GTF2A1L: variants seen among roughly 807,000 people sequenced by gnomAD.
GTF2A1L encodes the protein general transcription factor IIA subunit 1 like, also known as TFIIA-alpha and beta-like factor.
A neutral mutation model predicts 49.7 loss-of-function variants in GTF2A1L; 48 were observed. The ratio of observed to expected loss-of-function variants is 0.97; its 90% confidence interval spans 0.77 to 1.23. The LOEUF (loss-of-function observed/expected upper bound fraction) is 1.23, where lower values mean the gene tolerates loss of function less well. GTF2A1L is among the 50% of genes most tolerant of loss of function. GTF2A1L has a pLI of 0.00. For missense variants in GTF2A1L, 736 were observed against 564.8 expected (o/e 1.30, Z -3.07); for synonymous variants, 246 against 193.5 (o/e 1.27, Z -2.25).
intron 6 of GTF2A1L, among the ~76,000 whole-genome samples, chr2:48,652,128 C>T (rs1243392947): frequency 6.6e-6 from 1 of 152,148 alleles, no homozygotes; most frequent in East Asian, 1.9e-4. Context: ...TTTTAATCCT[C>T]TCCCAGAGTA....
At chr2:48,618,664 A>C (rs1234906417) in intron 1 of GTF2A1L, among the ~76,000 whole-genome samples, 1 of 152,194 alleles carries the variant, frequency 6.6e-6, no homozygotes, top group Non-Finnish European at 1.5e-5. Flanking sequence ...TATGTGTTTT[A>C]TGATAGTGCG....
chr2:48,647,642 A>G (rs1256565786), intron 6 of GTF2A1L, among the ~76,000 whole-genome samples: 1 of 152,004 alleles, frequency 6.6e-6, no homozygotes, highest in East Asian at 1.9e-4. Flanking sequence ...ACTTTTCCCT[A>G]CATGAGGGAT....
chr2:48,647,164 G>A, intron 6 of GTF2A1L, 122 bp downstream of exon 6: 1 of 945,670 alleles, frequency 1.1e-6, no homozygotes, highest in South Asian at 2.8e-5. Flanking sequence ...TTTTTCTTTA[G>A]AAGATTATTT....
At chr2:48,643,693 ATTTTTT>A (rs71399070) in intron 4 of GTF2A1L, among the ~76,000 whole-genome samples, 3 of 120,786 alleles carry the variant, frequency 2.5e-5, no homozygotes, top group Non-Finnish European at 3.5e-5. Context: ...TATTAATACA[ATTTTTT>A]TTTTTTTTTT....
chr2:48,644,921 A>G (rs961228446), intron 4 of GTF2A1L, 112 bp from the exon 5 acceptor site: 6 of 854,644 alleles, frequency 7.0e-6, no homozygotes, highest in Non-Finnish European at 1.0e-5. Flanking sequence ...AATGTTAAGT[A>G]TTGTCAAACT....
chr2:48,628,686 G>T lies in GTF2A1L; in HGVS notation c.247+7396G>T, dbSNP rs761389892. On this transcript the variant is annotated intron_variant, in intron 3 of 8. Transcript: ENST00000403751. ...AGGTTGTCTGTTCACTCTGTTGGTA[G>T]CTTCTTTTGCTGTGCAGAAGCTCTA... Among the ~76,000 whole-genome samples the T allele has an allele frequency of 1.9e-4, 27 of 143,918 alleles. 5 individuals carry two copies. Among genetic ancestry groups the T allele is most frequent in the Admixed American group, 4.2e-4 (6 of 14,210 alleles). 94.4% of individuals were successfully genotyped at this position (143,918 alleles called of 152,430 possible).
At chr2:48,624,615 TAA>T (rs1676202211) in intron 3 of GTF2A1L, among the ~76,000 whole-genome samples, 1 of 144,176 alleles carries the variant, frequency 6.9e-6, no homozygotes, top group African/African-American at 2.5e-5. Context: ...ACAACATTAT[TAA>T]GTATAGCCCT....
At chr2:48,643,465 C>T (rs755247429) in intron 4 of GTF2A1L, among the ~76,000 whole-genome samples, 1 of 152,168 alleles carries the variant, frequency 6.6e-6, no homozygotes, top group Non-Finnish European at 1.5e-5. Context: ...CAAAACCACA[C>T]ACCTTAATAG....
chr2:48,619,099 A>C, intron 1 of GTF2A1L, among the ~76,000 whole-genome samples: 1 of 152,180 alleles, frequency 6.6e-6, no homozygotes. Context: ...AACATTATTT[A>C]AATGTTACTG....
chr2:48,639,705 C>G (rs1326343641), intron 3 of GTF2A1L, among the ~76,000 whole-genome samples: 1 of 152,136 alleles, frequency 6.6e-6, no homozygotes, highest in East Asian at 1.9e-4. Context: ...CAAGTGAGAT[C>G]TAATTAAACT....
intron 6 of GTF2A1L, among the ~76,000 whole-genome samples, chr2:48,657,765 T>G (rs1429592677): frequency 2.2e-4 from 1 of 4,548 alleles, no homozygotes; most frequent in Non-Finnish European, 1.7e-3. Context: ...AATCTCTTGT[T>G]TTTTTTTTTT....
intron 6 of GTF2A1L, among the ~76,000 whole-genome samples, chr2:48,667,290 A>G (rs986995315): frequency 5.9e-5 from 9 of 152,094 alleles, no homozygotes; most frequent in Non-Finnish European, 1.2e-4. Flanking sequence ...CAGACATCTT[A>G]TATATAAAGA....
intron 4 of GTF2A1L, among the ~76,000 whole-genome samples, chr2:48,643,910 G>C (rs1308889957): frequency 6.6e-6 from 1 of 151,880 alleles, no homozygotes; most frequent in African/African-American, 2.4e-5. Context: ...TGTTGGCCAG[G>C]GTGGTCTCAA....
chr2:48,672,250 A>C (rs936808052), intron 8 of GTF2A1L, among the ~76,000 whole-genome samples: 6 of 152,252 alleles, frequency 3.9e-5, no homozygotes, highest in Non-Finnish European at 7.3e-5. Context: ...GAATGGATGT[A>C]GTATGTACAA....
chr2:48,635,427 G>C (rs1445632775), intron 3 of GTF2A1L, among the ~76,000 whole-genome samples: 1 of 152,024 alleles, frequency 6.6e-6, no homozygotes, highest in East Asian at 1.9e-4. Context: ...CTGAATGCCT[G>C]GATTTCTGCT....
At chr2:48,639,877 G>A (rs1677108318) in intron 3 of GTF2A1L, among the ~76,000 whole-genome samples, 1 of 152,144 alleles carries the variant, frequency 6.6e-6, no homozygotes, top group Non-Finnish European at 1.5e-5. Flanking sequence ...CCGTTAAAAT[G>A]TGGATAAAGG....
At position 48,621,886 on chromosome 2, in the gene GTF2A1L, G is replaced by A. The variant is rs79480575; in HGVS notation, c.247+596G>A. 7.3e-3 allele frequency among the ~76,000 whole-genome samples: 1,117 copies of A among 152,290 alleles called. 8 individuals carry two copies. Among genetic ancestry groups the A allele is most frequent in the African/African-American group, 0.026 (1,078 of 41,560 alleles). The stretch of plus-strand genomic sequence containing the variant: ...TTATGCGTATCAATTTAAACTGGAA[G>A]GGACTAGCTAATAAAAGATAAAACT... On this transcript the variant is annotated intron_variant, in intron 3 of 8. Coordinates refer to ENST00000403751, the MANE Select transcript of GTF2A1L (RefSeq NM_006872.5).
rs1207278419 is a variant in GTF2A1L, at chr2:48,625,349, T to C, written c.247+4059T>C. Reference sequence around the variant, plus strand: ...CCTTTTTGTATACCTGTTAGCTGTTTTTATGTTGTCTTTGGAAAAAGATCT... The same window carrying C: ...CCTTTTTGTATACCTGTTAGCTGTTCTTATGTTGTCTTTGGAAAAAGATCT... On this transcript the variant is annotated intron_variant, in intron 3 of 8. Transcript: ENST00000403751. Among the ~76,000 whole-genome samples, 2 of 144,212 alleles carry C rather than the reference T, an allele frequency of 1.4e-5. 1 individual carries two copies. Among genetic ancestry groups the C allele is most frequent in the Non-Finnish European group, 3.1e-5 (2 of 64,070 alleles). 94.6% of individuals were successfully genotyped at this position (144,212 alleles called of 152,430 possible).
intron 3 of GTF2A1L, among the ~76,000 whole-genome samples, chr2:48,625,031 G>T (rs1394052381): frequency 6.9e-6 from 1 of 144,092 alleles, no homozygotes; most frequent in Non-Finnish European, 1.6e-5. Flanking sequence ...TGGAAGTGTA[G>T]ATATTTTTAT....
Sources: gnomAD v4.1 joint callset for allele counts (sites outside exome capture counted in the v4.1 genomes callset) on GRCh38, gnomAD v4.1.1 for gene constraint, MANE v1.5 for transcripts, NCBI Gene and HGNC (gene_info 2026-07-23, HGNC 2026-07-21) for gene names.